Variants in BICDL1 observed in about 807,000 individuals in gnomAD.
The protein encoded by BICDL1 is BICD family-like cargo adapter 1.
Under a neutral mutation model 76.8 loss-of-function variants are expected in BICDL1, and 20 were observed. That is an observed-to-expected ratio of 0.26 (90% CI 0.18 to 0.38). The LOEUF is 0.38. BICDL1 is among the 10% of genes least tolerant of loss of function. The pLI is 1.00. For missense variants in BICDL1, 700 were observed against 798.6 expected (o/e 0.88, Z 1.49); for synonymous variants, 383 against 337.1 (o/e 1.14, Z -1.49).
At chr12:120,039,920 A>G (rs549341248) in intron 2 of BICDL1, among the ~76,000 whole-genome samples, 1 of 152,208 alleles carries the variant, frequency 6.6e-6, no homozygotes, top group South Asian at 2.1e-4. Context: ...TAGCATTACT[A>G]CTGTTTCCAT....
In BICDL1 at chr12:119,989,535, C is replaced by T. The variant is rs1261208413; in HGVS notation, c.-334C>T. Among the ~76,000 whole-genome samples, 2 of 150,526 alleles carry T rather than the reference C, an allele frequency of 1.3e-5. No individual in the cohort carries two copies. Among genetic ancestry groups the T allele is most frequent in the African/African-American group, 2.4e-5 (1 of 41,254 alleles). On this transcript the variant is annotated 5_prime_UTR_variant, in exon 1 of 10. Coordinates refer to ENST00000548673, the MANE Select transcript of BICDL1 (RefSeq NM_001367886.1). ...GCGGCGGCGTTCCTCCTCGCTTCCT[C>T]CCCTCCCGCTTCGCCGACCCTCAGT...
rs981269474 is a variant in BICDL1, at chr12:120,003,919, C to T, written c.645+5183C>T. On this transcript the variant is annotated intron_variant, in intron 2 of 9. Transcript: ENST00000548673. ...TGGGTTTAGGTATCATTATGGCTTT[C>T]CTGTCCTTCTTGGGAGCGTACACTA... is the stretch of plus-strand genomic sequence containing the variant. Among the ~76,000 whole-genome samples the T allele has an allele frequency of 2.6e-5, 4 of 152,156 alleles. No individual in the cohort carries two copies. In the South Asian group the frequency reaches 6.2e-4, roughly 24 times the overall value.
At chr12:120,039,442 A>C (rs765611991) in intron 2 of BICDL1, among the ~76,000 whole-genome samples, 52 of 152,032 alleles carry the variant, frequency 3.4e-4, no homozygotes, top group Non-Finnish European at 6.5e-4. Flanking sequence ...GTTCGAGTCC[A>C]GCCTGACCAA....
chr12:120,009,098 G>A (rs1185190), intron 2 of BICDL1, among the ~76,000 whole-genome samples: 3 of 151,894 alleles, frequency 2.0e-5, no homozygotes, highest in Admixed American at 1.3e-4. Flanking sequence ...AGTGATTCTC[G>A]TGCCTCAGCG....
intron 2 of BICDL1, among the ~76,000 whole-genome samples, chr12:120,030,953 A>G (rs542455273): frequency 1.8e-4 from 28 of 152,282 alleles, no homozygotes; most frequent in African/African-American, 6.0e-4. Context: ...AATTTCTCTT[A>G]TAGAACATGT....
chr12:120,093,385 C>A lies in BICDL1; in HGVS notation c.*224C>A. ...GGCTTCCCTTGGCCCACCGCCTGGC[C>A]AAGCCCACGCCTGGGCTTCTCCAGG... On this transcript the variant is annotated 3_prime_UTR_variant, in exon 10 of 10. Transcript: ENST00000548673. 1.8e-6 allele frequency: 1 copy of A among 569,820 alleles called. No individual in the cohort carries two copies. Among genetic ancestry groups the A allele is most frequent in the Non-Finnish European group, 3.1e-6 (1 of 323,732 alleles). 35.3% of individuals were successfully genotyped at this position (569,820 alleles called of 1,614,324 possible). A position where few individuals can be genotyped will look rare whatever the true frequency, so the allele number is the denominator to read the frequency against.
intron 2 of BICDL1, among the ~76,000 whole-genome samples, chr12:120,056,130 G>C (rs1035024951): frequency 6.6e-6 from 1 of 152,142 alleles, no homozygotes; most frequent in African/African-American, 2.4e-5. Context: ...GATTACCTGT[G>C]GTGGGTGGCA....
chr12:120,007,224 A>G (rs944267532), intron 2 of BICDL1, among the ~76,000 whole-genome samples: 1 of 152,216 alleles, frequency 6.6e-6, no homozygotes. Context: ...TTCATCTTAG[A>G]CTGTGTGGAT....
chr12:120,092,150 T>TG (rs1169474839), intron 9 of BICDL1: 1 of 985,300 alleles, frequency 1.0e-6, no homozygotes, highest in Non-Finnish European at 1.2e-6. Flanking sequence ...TTTTGTCAAA[T>TG]GGAGTCTTAC....
At chr12:120,012,536 A>C (rs1268677337) in intron 2 of BICDL1, among the ~76,000 whole-genome samples, 1 of 152,044 alleles carries the variant, frequency 6.6e-6, no homozygotes, top group Non-Finnish European at 1.5e-5. Flanking sequence ...TACCAGTTAT[A>C]CCTCCTCCTA....
At chr12:120,092,077 C>A in intron 9 of BICDL1, 2 of 985,474 alleles carry the variant, frequency 2.0e-6, no homozygotes. Flanking sequence ...ACTGATGATG[C>A]TAATTACACA....
chr12:119,993,104 C>T (rs1012204411), intron 1 of BICDL1: 2 of 146,926 alleles, frequency 1.4e-5, no homozygotes, highest in Non-Finnish European at 3.0e-5. Context: ...CAGGCGCCCG[C>T]CACCACGCCT....
At chr12:120,026,415 C>T (rs970705077) in intron 2 of BICDL1, among the ~76,000 whole-genome samples, 1 of 151,912 alleles carries the variant, frequency 6.6e-6, no homozygotes, top group Non-Finnish European at 1.5e-5. Flanking sequence ...TTCTTCCCAA[C>T]AAAAGTTTTT....
intron 2 of BICDL1, among the ~76,000 whole-genome samples, chr12:120,044,227 C>A (rs1468414089): frequency 6.6e-6 from 1 of 152,174 alleles, no homozygotes; most frequent in Non-Finnish European, 1.5e-5. Flanking sequence ...TCTCCAATTC[C>A]AAACAAGAAC....
chr12:120,021,710 A>G (rs896658232), intron 2 of BICDL1, among the ~76,000 whole-genome samples: 1 of 151,028 alleles, frequency 6.6e-6, no homozygotes, highest in Admixed American at 6.6e-5. Flanking sequence ...TTGGAGATCA[A>G]CCTGGCTAAC....
intron 2 of BICDL1, among the ~76,000 whole-genome samples, chr12:120,046,920 A>C (rs553937904): frequency 6.6e-6 from 1 of 152,332 alleles, no homozygotes; most frequent in Non-Finnish European, 1.5e-5. Context: ...AGCAGTAGGG[A>C]TCTGACATTG....
chr12:119,992,566 G>C (rs1249772501), intron 1 of BICDL1: 1 of 152,098 alleles, frequency 6.6e-6, no homozygotes, highest in Non-Finnish European at 1.5e-5. Flanking sequence ...AAAATGTTTC[G>C]TAGAGATGGG....
chr12:120,023,399 C>G (rs1391893142), intron 2 of BICDL1, among the ~76,000 whole-genome samples: 1 of 152,184 alleles, frequency 6.6e-6, no homozygotes, highest in Non-Finnish European at 1.5e-5. Context: ...TAATTTAACT[C>G]TATCCCATAA....
chr12:119,991,594 G>T (rs2138573113), intron 1 of BICDL1, among the ~76,000 whole-genome samples: 1 of 152,230 alleles, frequency 6.6e-6, no homozygotes, highest in East Asian at 1.9e-4. Flanking sequence ...TGAAGTAGAG[G>T]TCTAGAAATA....
Sources: gnomAD v4.1 joint callset for allele counts (sites outside exome capture counted in the v4.1 genomes callset) on GRCh38, gnomAD v4.1.1 for gene constraint, MANE v1.5 for transcripts, NCBI Gene and HGNC (gene_info 2026-07-23, HGNC 2026-07-21) for gene names.